Variants in SCN8A observed in about 807,000 individuals in gnomAD.
The protein encoded by SCN8A is sodium channel protein type 8 subunit alpha.
Under a neutral mutation model 184.1 loss-of-function variants are expected in SCN8A, and 30 were observed. That is an observed-to-expected ratio of 0.16 (90% CI 0.12 to 0.22). The LOEUF (loss-of-function observed/expected upper bound fraction) is 0.22, where lower values mean the gene tolerates loss of function less well. Ranked by LOEUF, SCN8A falls within the 10% of genes least tolerant of loss-of-function variation. The pLI is 1.00. For synonymous variants in SCN8A, 852 were observed against 907.0 expected (o/e 0.94, Z 1.09); for missense variants, 1,057 against 2,498.9 (o/e 0.42, Z 12.30).
intron 16 of SCN8A, among the ~76,000 whole-genome samples, chr12:51,766,923 A>G (rs1565916961): frequency 6.6e-6 from 1 of 152,234 alleles, no homozygotes; most frequent in South Asian, 2.1e-4. Context: ...AGTGTAGGGC[A>G]AAGAGGACTG....
At chr12:51,786,492 G>T in intron 21 of SCN8A, 50 bp from the exon 22 acceptor site, 1 of 1,600,900 alleles carries the variant, frequency 6.2e-7, no homozygotes, top group Non-Finnish European at 8.5e-7. Flanking sequence ...CAAAAAATGT[G>T]CTTGCTCTCA....
intron 2 of SCN8A, among the ~76,000 whole-genome samples, chr12:51,679,098 A>AAAAT (rs1555216050): frequency 6.6e-6 from 1 of 151,096 alleles, no homozygotes; most frequent in African/African-American, 2.4e-5. Context: ...AAAAATAAAA[A>AAAAT]AAAATAAAGC....
At chr12:51,694,220 A>C (rs1808857988) in intron 6 of SCN8A, among the ~76,000 whole-genome samples, 1 of 152,236 alleles carries the variant, frequency 6.6e-6, no homozygotes, top group African/African-American at 2.4e-5. Context: ...AGTGTGAGCC[A>C]CCGTGCCTGG....
At chr12:51,661,314 G>C (rs907121376) in intron 1 of SCN8A, among the ~76,000 whole-genome samples, 1 of 152,214 alleles carries the variant, frequency 6.6e-6, no homozygotes, top group African/African-American at 2.4e-5. Context: ...TTTTTGCGCA[G>C]CGTGAAGCCA....
intron 1 of SCN8A, among the ~76,000 whole-genome samples, chr12:51,618,333 G>C (rs549407711): frequency 2.7e-4 from 41 of 151,956 alleles, no homozygotes; most frequent in African/African-American, 9.7e-4. Context: ...CGTGTCTAGG[G>C]GCTCCCTTTT....
intron 1 of SCN8A, among the ~76,000 whole-genome samples, chr12:51,592,037 T>G: frequency 1.5e-5 from 2 of 129,198 alleles, no homozygotes; most frequent in South Asian, 2.9e-4. Context: ...GAATATCCCC[T>G]TCCCCCATCC....
intron 11 of SCN8A, among the ~76,000 whole-genome samples, chr12:51,717,483 G>A (rs1941984686): frequency 6.6e-6 from 1 of 152,090 alleles, no homozygotes; most frequent in African/African-American, 2.4e-5. Flanking sequence ...TTGTCTCATT[G>A]CAGACCAATA....
intron 1 of SCN8A, among the ~76,000 whole-genome samples, chr12:51,608,275 G>T (rs1392283257): frequency 6.6e-6 from 1 of 152,086 alleles, no homozygotes; most frequent in Non-Finnish European, 1.5e-5. Flanking sequence ...CTCCGAAAGT[G>T]CTGGGATTAC....
chr12:51,788,659 T>C, intron 22 of SCN8A, 36 bp from the exon 23 acceptor site: 3 of 1,576,708 alleles, frequency 1.9e-6, no homozygotes, highest in Non-Finnish European at 2.6e-6. Context: ...CCACTCCCTT[T>C]ATAGGCACCG....
At chr12:51,731,531 A>G (rs1230271559) in intron 12 of SCN8A, among the ~76,000 whole-genome samples, 1 of 152,178 alleles carries the variant, frequency 6.6e-6, no homozygotes, top group Non-Finnish European at 1.5e-5. Context: ...GATTACAGGC[A>G]TGAGCCACCA....
intron 19 of SCN8A, among the ~76,000 whole-genome samples, chr12:51,773,507 T>A (rs914096419): frequency 2.0e-5 from 3 of 152,252 alleles, no homozygotes; most frequent in Non-Finnish European, 4.4e-5. Flanking sequence ...TTCTTTTATA[T>A]ATAGTATTGG....
chr12:51,642,128 A>G (rs1249555621), intron 1 of SCN8A, among the ~76,000 whole-genome samples: 1 of 152,142 alleles, frequency 6.6e-6, no homozygotes, highest in Admixed American at 6.6e-5. Flanking sequence ...TATCATCGCC[A>G]TCATTATCAT....
At chr12:51,734,506 G>T (rs999889607) in intron 12 of SCN8A, among the ~76,000 whole-genome samples, 1 of 152,274 alleles carries the variant, frequency 6.6e-6, no homozygotes, top group East Asian at 1.9e-4. Context: ...GATCGCTCAT[G>T]CTATTGTTTG....
chr12:51,774,973 C>CT (rs761900970), intron 20 of SCN8A, among the ~76,000 whole-genome samples: 54 of 152,330 alleles, frequency 3.5e-4, no homozygotes, highest in African/African-American at 1.1e-3. Flanking sequence ...GGTTCCAAGA[C>CT]TATCTCCGAG....
chr12:51,731,968 T>C (rs1376939035), intron 12 of SCN8A, among the ~76,000 whole-genome samples: 1 of 152,248 alleles, frequency 6.6e-6, no homozygotes, highest in African/African-American at 2.4e-5. Flanking sequence ...TTCTGGTTAC[T>C]AATCTCTTGT....
intron 21 of SCN8A, among the ~76,000 whole-genome samples, chr12:51,781,652 G>A (rs1033494646): frequency 2.6e-5 from 4 of 151,170 alleles, no homozygotes; most frequent in East Asian, 1.9e-4. Flanking sequence ...GCGTGCACGC[G>A]CACGCACGCG....
chr12:51,742,940 T>G (rs944948552), intron 12 of SCN8A, among the ~76,000 whole-genome samples: 1 of 152,180 alleles, frequency 6.6e-6, no homozygotes, highest in Non-Finnish European at 1.5e-5. Flanking sequence ...TCAAATAGCC[T>G]GTCTTCAAGC....
intron 15 of SCN8A, 127 bp from the exon 16 acceptor site, chr12:51,765,544 G>A: frequency 1.6e-6 from 1 of 631,400 alleles, no homozygotes; most frequent in East Asian, 2.7e-5. Flanking sequence ...ACAGTCCTGG[G>A]AATTTTCCAA....
intron 12 of SCN8A, among the ~76,000 whole-genome samples, chr12:51,739,877 G>T (rs929019092): frequency 6.6e-6 from 1 of 152,208 alleles, no homozygotes; most frequent in South Asian, 2.1e-4. Context: ...AGCCTTCGGA[G>T]CTGGGAGCCC....
Sources: allele counts gnomAD v4.1 joint callset (sites outside exome capture counted in the v4.1 genomes callset), GRCh38; gene constraint gnomAD v4.1.1; transcripts MANE v1.5; gene names NCBI Gene and HGNC (gene_info 2026-07-23, HGNC 2026-07-21).